MACROD2: variants seen among roughly 807,000 people sequenced by gnomAD.
MACROD2 encodes ADP-ribose glycohydrolase MACROD2.
Under a neutral mutation model 70.4 loss-of-function variants are expected in MACROD2, and 36 were observed. That is an observed-to-expected ratio of 0.51 (90% CI 0.39 to 0.68). The LOEUF (loss-of-function observed/expected upper bound fraction) is 0.68. MACROD2 is among the 30% of genes least tolerant of loss of function. The pLI is 0.00. For missense variants in MACROD2, 496 were observed against 538.4 expected (o/e 0.92, Z 0.78); for synonymous variants, 172 against 178.8 (o/e 0.96, Z 0.30).
chr20:15,752,651 A>T (rs1332426652), intron 8 of MACROD2, among the ~76,000 whole-genome samples: 1 of 152,102 alleles, frequency 6.6e-6, no homozygotes, highest in Non-Finnish European at 1.5e-5. Context: ...TCTGTTTCTG[A>T]GCAAATGTCA....
intron 8 of MACROD2, among the ~76,000 whole-genome samples, chr20:15,812,688 A>G (rs2063833434): frequency 6.6e-6 from 1 of 152,226 alleles, no homozygotes; most frequent in Non-Finnish European, 1.5e-5. Flanking sequence ...CTAGGTATTC[A>G]ATTGCATTTG....
At chr20:15,112,056 C>T (rs1237307238) in intron 5 of MACROD2, among the ~76,000 whole-genome samples, 1 of 152,170 alleles carries the variant, frequency 6.6e-6, no homozygotes, top group Non-Finnish European at 1.5e-5. Context: ...TGATAAATAC[C>T]ACCCCTCTAT....
intron 3 of MACROD2, among the ~76,000 whole-genome samples, chr20:14,487,297 G>A (rs2123091012): frequency 6.6e-6 from 1 of 152,060 alleles, no homozygotes; most frequent in Admixed American, 6.5e-5. Context: ...CAGCAAACCT[G>A]TACTGTGACC....
At chr20:14,103,867 T>C (rs1340587632) in intron 3 of MACROD2, among the ~76,000 whole-genome samples, 1 of 152,206 alleles carries the variant, frequency 6.6e-6, no homozygotes, top group African/African-American at 2.4e-5. Flanking sequence ...TTTACTGTTA[T>C]AAGCAGGCTG....
intron 12 of MACROD2, among the ~76,000 whole-genome samples, chr20:15,940,236 A>C (rs541983659): frequency 2.7e-5 from 4 of 147,498 alleles, no homozygotes; most frequent in African/African-American, 1.0e-4. Context: ...GATTACATGC[A>C]TGCACCACCA....
intron 5 of MACROD2, among the ~76,000 whole-genome samples, chr20:14,795,898 A>G (rs555716132): frequency 1.3e-5 from 2 of 152,154 alleles, no homozygotes; most frequent in South Asian, 2.1e-4. Flanking sequence ...TGCATGAATA[A>G]AGGAGCCAAG....
chr20:15,310,293 G>A (rs892630778), intron 6 of MACROD2, among the ~76,000 whole-genome samples: 2 of 152,164 alleles, frequency 1.3e-5, no homozygotes, highest in African/African-American at 4.8e-5. Context: ...GACGAGCCTG[G>A]AAGTAGAATT....
intron 2 of MACROD2, among the ~76,000 whole-genome samples, chr20:14,020,081 C>T (rs1306017095): frequency 6.6e-6 from 1 of 152,164 alleles, no homozygotes; most frequent in African/African-American, 2.4e-5. Context: ...GTAAATTTGG[C>T]TCCTGGATAC....
At chr20:14,495,909 G>A (rs2084847997) in intron 4 of MACROD2, among the ~76,000 whole-genome samples, 1 of 152,070 alleles carries the variant, frequency 6.6e-6, no homozygotes, top group South Asian at 2.1e-4. Context: ...ATTTAAGATG[G>A]TTGTAATTTC....
At chr20:14,088,017 A>G (rs1241499599) in intron 3 of MACROD2, among the ~76,000 whole-genome samples, 1 of 152,134 alleles carries the variant, frequency 6.6e-6, no homozygotes, top group Non-Finnish European at 1.5e-5. Context: ...ATGTATACAC[A>G]TGATCTTTTA....
At chr20:15,684,425 A>G in intron 8 of MACROD2, among the ~76,000 whole-genome samples, 1 of 152,232 alleles carries the variant, frequency 6.6e-6, no homozygotes. Context: ...TTTTGATTAG[A>G]GGCAAATAGC....
intron 3 of MACROD2, among the ~76,000 whole-genome samples, chr20:14,363,364 G>A (rs980270776): frequency 6.6e-6 from 1 of 152,052 alleles, no homozygotes. Flanking sequence ...AAGTGAAAGA[G>A]GTGATATATG....
chr20:14,273,927 C>A (rs1393491497), intron 3 of MACROD2, among the ~76,000 whole-genome samples: 1 of 152,066 alleles, frequency 6.6e-6, no homozygotes, highest in African/African-American at 2.4e-5. Flanking sequence ...CACATACACC[C>A]TCCCAAGACT....
intron 5 of MACROD2, among the ~76,000 whole-genome samples, chr20:15,185,402 A>C (rs903630368): frequency 3.3e-5 from 5 of 152,192 alleles, no homozygotes; most frequent in African/African-American, 9.7e-5. Context: ...AATAATTCAC[A>C]ACATTTAGCC....
In MACROD2 at chr20:15,874,334, T is replaced by G. The variant is rs6135580; in HGVS notation, c.728-11430T>G. Among the ~76,000 whole-genome samples the G allele has an allele frequency of 7.3e-3, 1,114 of 152,206 alleles. 44 individuals carry two copies. The East Asian group carries it at 0.1, about 14-fold the overall frequency. ...TATTATTGATGGACATTTGGGTTGG[T>G]TCCAAGTCTTTGCTATGGTGAATAG... On this transcript the variant is annotated intron_variant, in intron 9 of 17. Coordinates refer to ENST00000684519, the MANE Select transcript of MACROD2 (RefSeq NM_001351661.2).
chr20:14,359,449 A>T (rs537518378), intron 3 of MACROD2, among the ~76,000 whole-genome samples: 20 of 152,348 alleles, frequency 1.3e-4, no homozygotes, highest in African/African-American at 4.6e-4. Context: ...CATATGATTC[A>T]TCAATCCCAA....
chr20:15,389,038 C>G (rs561623980), intron 6 of MACROD2, among the ~76,000 whole-genome samples: 6 of 152,046 alleles, frequency 3.9e-5, no homozygotes, highest in Non-Finnish European at 7.4e-5. Flanking sequence ...ATCTTAGCCA[C>G]GAAAGTATCA....
intron 5 of MACROD2, among the ~76,000 whole-genome samples, chr20:15,170,160 A>G (rs986180406): frequency 1.3e-5 from 2 of 152,338 alleles, no homozygotes; most frequent in Admixed American, 6.5e-5. Flanking sequence ...ATTTATAACT[A>G]TCTAGTTTTT....
intron 7 of MACROD2, among the ~76,000 whole-genome samples, chr20:15,466,705 CTG>C (rs1788148962): frequency 1.3e-5 from 2 of 152,142 alleles, no homozygotes; most frequent in South Asian, 2.1e-4. Flanking sequence ...AGAAAAGAGA[CTG>C]TATTATAATT....
Sources: allele counts gnomAD v4.1 joint callset (sites outside exome capture counted in the v4.1 genomes callset), GRCh38; gene constraint gnomAD v4.1.1; transcripts MANE v1.5; gene names NCBI Gene and HGNC (gene_info 2026-07-23, HGNC 2026-07-21).